The following GRIK2 variants were observed in gnomAD, a reference collection of about 807,000 sequenced individuals.
The protein encoded by GRIK2 is glutamate ionotropic receptor kainate type subunit 2, also known as glutamate receptor ionotropic, kainate 2.
Under a neutral mutation model 100.3 loss-of-function variants are expected in GRIK2, and 32 were observed. The observed-to-expected ratio is 0.32, with a 90% confidence interval of 0.24 to 0.43. The LOEUF (loss-of-function observed/expected upper bound fraction) is 0.43. GRIK2 is among the 20% of genes least tolerant of loss of function. GRIK2 has a pLI of 1.00. For synonymous variants in GRIK2, 417 were observed against 389.4 expected, an observed-to-expected ratio of 1.07 and a Z score of -0.83; for missense variants, 843 against 1,114.9, an observed-to-expected ratio of 0.76 and a Z score of 3.47.
intron 12 of GRIK2, among the ~76,000 whole-genome samples, chr6:101,916,397 G>A (rs980092669): frequency 6.6e-5 from 10 of 150,880 alleles, no homozygotes; most frequent in African/African-American, 2.2e-4. Flanking sequence ...TCTACATAGT[G>A]AAGGATATAA....
rs138980654 is a variant in GRIK2, at chr6:101,664,895, C to T, written c.542-11728C>T. Among the ~76,000 whole-genome samples the T allele has an allele frequency of 6.6e-5, 10 of 152,204 alleles. 1 individual carries two copies. Among genetic ancestry groups the T allele is most frequent in the Admixed American group, 6.5e-4 (10 of 15,280 alleles). On this transcript the variant is annotated intron_variant, in intron 4 of 16. Transcript: ENST00000369134. ...ACAGCCCTTTTATAAAAAACAACAA[C>T]AAAAAATCAGTTCTTGTGAGACTTA...
intron 2 of GRIK2, among the ~76,000 whole-genome samples, chr6:101,569,772 C>T (rs924336970): frequency 6.6e-6 from 1 of 152,020 alleles, no homozygotes; most frequent in African/African-American, 2.4e-5. Context: ...CTCCTAAATC[C>T]TTTCGGAAGG....
At chr6:101,856,701 A>T (rs1784442573) in intron 10 of GRIK2, among the ~76,000 whole-genome samples, 1 of 152,168 alleles carries the variant, frequency 6.6e-6, no homozygotes, top group Non-Finnish European at 1.5e-5. Flanking sequence ...GGGGGTCTTT[A>T]TGTGATCGAA....
intron 12 of GRIK2, among the ~76,000 whole-genome samples, chr6:101,891,391 C>T (rs1232830520): frequency 6.6e-6 from 1 of 151,300 alleles, no homozygotes; most frequent in African/African-American, 2.4e-5. Flanking sequence ...GTGGTGTGCA[C>T]CTGTAGTCCC....
chr6:101,484,568 C>CACACACAT (rs921246798), intron 2 of GRIK2, among the ~76,000 whole-genome samples: 4 of 148,016 alleles, frequency 2.7e-5, no homozygotes, highest in Admixed American at 6.8e-5. Flanking sequence ...CACACACACA[C>CACACACAT]ATATATATGG....
chr6:101,551,785 C>T (rs972434056), intron 2 of GRIK2, among the ~76,000 whole-genome samples: 12 of 152,122 alleles, frequency 7.9e-5, no homozygotes, highest in Non-Finnish European at 1.6e-4. Flanking sequence ...TCACTTTGCT[C>T]GTTTTCATTC....
intron 14 of GRIK2, among the ~76,000 whole-genome samples, chr6:101,949,102 A>G (rs1012619093): frequency 6.6e-6 from 1 of 152,170 alleles, no homozygotes; most frequent in Non-Finnish European, 1.5e-5. Flanking sequence ...TGATAAAAAT[A>G]ATGTATATGT....
chr6:101,725,124 A>G (rs78513090), intron 7 of GRIK2, among the ~76,000 whole-genome samples: 1,915 of 152,166 alleles, frequency 0.013, 39 homozygotes, highest in African/African-American at 0.044. Flanking sequence ...TACACGGGTA[A>G]TAATCATTCA....
intron 14 of GRIK2, among the ~76,000 whole-genome samples, chr6:101,990,209 C>T (rs1167570036): frequency 6.6e-6 from 1 of 151,688 alleles, no homozygotes; most frequent in African/African-American, 2.4e-5. Flanking sequence ...ACACCAGGCA[C>T]TGTGTTAGCC....
intron 12 of GRIK2, among the ~76,000 whole-genome samples, chr6:101,903,541 A>C (rs1788019040): frequency 6.6e-6 from 1 of 151,794 alleles, no homozygotes; most frequent in African/African-American, 2.4e-5. Context: ...AGTAAGTGCA[A>C]GTATTTCATG....
intron 2 of GRIK2, among the ~76,000 whole-genome samples, chr6:101,552,836 T>C (rs1056546190): frequency 5.3e-5 from 8 of 152,200 alleles, no homozygotes; most frequent in African/African-American, 1.9e-4. Context: ...ATCCTTTTAC[T>C]GTTTCATTGG....
intron 14 of GRIK2, among the ~76,000 whole-genome samples, chr6:101,999,325 G>T (rs1274596557): frequency 6.6e-6 from 1 of 151,830 alleles, no homozygotes; most frequent in East Asian, 1.9e-4. Flanking sequence ...GATCATTTGG[G>T]GAATAATTGA....
intron 2 of GRIK2, among the ~76,000 whole-genome samples, chr6:101,587,074 A>G (rs1778409535): frequency 6.6e-6 from 1 of 152,036 alleles, no homozygotes; most frequent in Non-Finnish European, 1.5e-5. Flanking sequence ...GAATTTGTTG[A>G]ATGGATTGAT....
intron 4 of GRIK2, among the ~76,000 whole-genome samples, chr6:101,666,942 G>A (rs1328783774): frequency 1.3e-5 from 2 of 152,156 alleles, no homozygotes; most frequent in African/African-American, 4.8e-5. Context: ...ACAGTGCTAA[G>A]TGATTTGTTC....
At chr6:101,998,392 T>C (rs1357301031) in intron 14 of GRIK2, among the ~76,000 whole-genome samples, 1 of 152,128 alleles carries the variant, frequency 6.6e-6, no homozygotes, top group Non-Finnish European at 1.5e-5. Flanking sequence ...GATTTATCTA[T>C]GCTACTTTAT....
At chr6:101,462,399 C>A (rs953160007) in intron 2 of GRIK2, among the ~76,000 whole-genome samples, 1 of 152,110 alleles carries the variant, frequency 6.6e-6, no homozygotes, top group African/African-American at 2.4e-5. Flanking sequence ...CTTAATAGGG[C>A]AGAATGTCCC....
rs563356474 is a variant in GRIK2 at position 101,886,546 on chromosome 6, A to G, written c.1525-3094A>G. Among the ~76,000 whole-genome samples, 5 of 152,070 alleles carry G rather than the reference A, an allele frequency of 3.3e-5. 1 individual carries two copies. Among genetic ancestry groups the G allele is most frequent in the African/African-American group, 1.2e-4 (5 of 41,548 alleles). Reference sequence around the variant, plus strand: ...AATCCTATTAATATATTCCTATATTACAACTTTTTTGGAATAATGTAGCTG... The same window carrying G: ...AATCCTATTAATATATTCCTATATTGCAACTTTTTTGGAATAATGTAGCTG... On this transcript the variant is annotated intron_variant, in intron 11 of 16. Coordinates refer to ENST00000369134, the MANE Select transcript of GRIK2 (RefSeq NM_021956.5).
At chr6:101,862,901 C>T (rs572803718) in intron 11 of GRIK2, among the ~76,000 whole-genome samples, 1 of 152,200 alleles carries the variant, frequency 6.6e-6, no homozygotes, top group African/African-American at 2.4e-5. Flanking sequence ...TTGGGCTGAT[C>T]ATCTTTTGAG....
intron 7 of GRIK2, among the ~76,000 whole-genome samples, chr6:101,725,930 CATG>C (rs1388254699): frequency 6.6e-6 from 1 of 151,914 alleles, no homozygotes; most frequent in East Asian, 1.9e-4. Flanking sequence ...ATGTAAATTA[CATG>C]ATGATTGCAT....
Sources: allele counts gnomAD v4.1 joint callset (sites outside exome capture counted in the v4.1 genomes callset), GRCh38; gene constraint gnomAD v4.1.1; transcripts MANE v1.5; gene names NCBI Gene and HGNC (gene_info 2026-07-23, HGNC 2026-07-21).